STK11IP: variants seen among roughly 807,000 people sequenced by gnomAD.
STK11IP encodes the protein serine/threonine kinase 11 interacting protein, also known as serine/threonine-protein kinase 11-interacting protein.
Under a neutral mutation model 131.7 loss-of-function variants are expected in STK11IP, and 103 were observed. That is an observed-to-expected ratio of 0.78 (90% CI 0.67 to 0.92). STK11IP has a LOEUF of 0.92. Among genes scored for constraint, STK11IP ranks in the 40% least tolerant of loss-of-function variants. STK11IP has a pLI of 0.00. For missense variants in STK11IP, 1,315 were observed against 1,385.7 expected (o/e 0.95, Z 0.81); for synonymous variants, 557 against 575.6 (o/e 0.97, Z 0.46).
chr2:219,609,513 G>T lies in STK11IP; in HGVS notation c.2077G>T (p.Gly693Cys). The change falls in exon 17 of 25, where the codon GGC becomes TGC. Residue 693 changes from glycine (G) to cysteine (C), a missense_variant. Coordinates refer to ENST00000456909, the MANE Select transcript of STK11IP (RefSeq NM_052902.4). Reference protein sequence around the residue: ...EPRMGLDSEEGWRPLFQKTES... With the variant: ...EPRMGLDSEECWRPLFQKTES... ...CAGGATGGGATTAGACAGTGAGGAA[G>T]GCTGGAGGCCTCTGTTCCAAAAGAC... 6.3e-7 allele frequency: 1 copy of T among 1,583,006 alleles called. No homozygotes were observed. The highest frequency in any genetic ancestry group is 8.6e-7 in the Non-Finnish European group (1 of 1,163,938).
intron 7 of STK11IP, among the ~76,000 whole-genome samples, chr2:219,604,311 G>A (rs1441292058): frequency 6.6e-6 from 1 of 152,212 alleles, no homozygotes; most frequent in Non-Finnish European, 1.5e-5. Context: ...CAAGTCTGCA[G>A]TTCTTAACAG....
At chr2:219,616,015 C>A in intron 24 of STK11IP, 29 bp from the exon 25 acceptor site, 1 of 1,609,754 alleles carries the variant, frequency 6.2e-7, no homozygotes. Context: ...CCCCATGAGC[C>A]TCGCCTTGCT....
At position 219,616,062 on chromosome 2, in the gene STK11IP, T is replaced by G; in HGVS notation, c.3136T>G (p.Phe1046Val). The G allele has an allele frequency of 6.2e-7, 1 of 1,613,746 alleles. No homozygotes were observed. Among genetic ancestry groups the G allele is most frequent in the Non-Finnish European group, 8.5e-7 (1 of 1,179,818 alleles). Residue 1046 changes from phenylalanine (F) to valine (V), a missense_variant, in exon 25 of 25, where the codon TTT (phenylalanine) becomes GTT (valine). By Grantham distance (50) the Phe-to-Val change is conservative (BLOSUM62 -1). Transcript: ENST00000456909. ...FYDEVSRLES[F>V]WALRVVCQEQ... ...CTGCCAGGTGTCCCGGCTGGAGAGC[T>G]TTTGGGCACTCCGTGTGGTGTGTCA...
chr2:219,614,817 C>T (rs760541093), intron 23 of STK11IP: 8 of 639,270 alleles, frequency 1.3e-5, no homozygotes, highest in South Asian at 5.5e-5. Context: ...GTGGCTGAGT[C>T]GGCCCTGCCT....
chr2:219,602,668 G>T (rs758394271), intron 6 of STK11IP, 37 bp from the exon 7 acceptor site: 2 of 1,613,068 alleles, frequency 1.2e-6, no homozygotes, highest in Non-Finnish European at 1.7e-6. Flanking sequence ...GTATTGTAGT[G>T]AACATCGATT....
intron 19 of STK11IP, 120 bp downstream of exon 19, chr2:219,612,178 C>A: frequency 1.2e-6 from 1 of 869,348 alleles, no homozygotes. Flanking sequence ...TGGTTTCAAC[C>A]CCAGCAGCTT....
Position 219,606,213 on chromosome 2 carries a change from C to A in STK11IP, c.868C>A (p.Pro290Thr), listed in dbSNP as rs143390649. Reference sequence around the variant, plus strand: ...CCCTCAGCTCTACCTGGAGGGGAACCCTCTTTGGTTCCACCCTGAGCACCG... The same window carrying A: ...CCCTCAGCTCTACCTGGAGGGGAACACTCTTTGGTTCCACCCTGAGCACCG... ...ELRKLYLEGN[P>T]LWFHPEHRAA... The change falls in exon 10 of 25, where the codon CCT becomes ACT. Residue 290 changes from proline to threonine, a missense_variant. Transcript: ENST00000456909. 7 of 1,567,616 alleles carry A rather than the reference C, an allele frequency of 4.5e-6. No individual in the cohort carries two copies. The highest frequency in any genetic ancestry group is 3.5e-5 in the South Asian group (3 of 85,224).
intron 17 of STK11IP, 36 bp downstream of exon 17, chr2:219,609,576 C>A: frequency 6.4e-7 from 1 of 1,550,994 alleles, no homozygotes; most frequent in Non-Finnish European, 8.7e-7. Context: ...TGCCCACACG[C>A]CTCCCCTGTT....
Position 219,615,315 on chromosome 2 carries a change from G to T in STK11IP, c.3091G>T (p.Asp1031Tyr), listed in dbSNP as rs760731527. The T allele has an allele frequency of 4.4e-6, 7 of 1,602,376 alleles. No homozygotes were observed. The highest frequency in any genetic ancestry group is 5.9e-6 in the Non-Finnish European group (7 of 1,179,244). ...GCTGCTCTACCGCTCAGCCCCTGAGGACTTGCGGCTGCTCTTCTACGATGA... is the reference window on the plus strand; with the variant it reads ...GCTGCTCTACCGCTCAGCCCCTGAGTACTTGCGGCTGCTCTTCTACGATGA... Reference protein sequence around the residue: ...SVLLYRSAPEDLRLLFYDEVS... With the variant: ...SVLLYRSAPEYLRLLFYDEVS... The change falls in exon 24 of 25, where the codon GAC becomes TAC. Residue 1031 changes from aspartate to tyrosine, a missense_variant. Coordinates refer to ENST00000456909, the MANE Select transcript of STK11IP (RefSeq NM_052902.4).
Position 219,608,084 on chromosome 2 carries a change from G to C in STK11IP, c.1257G>C (p.Met419Ile). The C allele has an allele frequency of 6.2e-7, 1 of 1,612,666 alleles. No homozygotes were observed. The highest frequency in any genetic ancestry group is 1.1e-5 in the South Asian group (1 of 91,022). The change falls in exon 14 of 25, where the codon ATG becomes ATC. Residue 419 changes from methionine (M) to isoleucine (I), a missense_variant. Coordinates refer to ENST00000456909, the MANE Select transcript of STK11IP (RefSeq NM_052902.4). ...FVQQHPELEL[M>I]SSFRERFGRN... ...AGCAGCACCCGGAGCTGGAGCTCAT[G>C]AGCAGCTTCCGGGAACGGTTCGGCC...
intron 19 of STK11IP, 107 bp from the exon 20 acceptor site, chr2:219,613,021 G>A: frequency 3.9e-6 from 3 of 773,548 alleles, no homozygotes; most frequent in Non-Finnish European, 4.4e-6. Flanking sequence ...TGGGTGGGCA[G>A]TGGGAGGGTC....
Position 219,614,866 on chromosome 2 carries a change from A to T in STK11IP, c.2870-228A>T, listed in dbSNP as rs141137559. On this transcript the variant is annotated intron_variant, in intron 23 of 24. Coordinates refer to ENST00000456909, the MANE Select transcript of STK11IP (RefSeq NM_052902.4). ...AGGAGAGGGTGGAGCCTTGTTTCTG[A>T]GTAGGGTGGGTGTGGGGCAGTGGGG... 1.3e-3 allele frequency: 813 copies of T among 627,214 alleles called. 6 individuals carry two copies. The African/African-American group carries it at 0.013, about 10-fold the overall frequency. The allele number at this position is 627,214 out of a possible 1,614,324, so 38.9% of individuals were successfully genotyped here.
chr2:219,611,463 C>A, intron 17 of STK11IP, 141 bp from the exon 18 acceptor site: 2 of 688,716 alleles, frequency 2.9e-6, no homozygotes, highest in East Asian at 2.7e-5. Flanking sequence ...GAGCTGGTGG[C>A]CTGGGGCGCG....
In STK11IP at chr2:219,602,518, G is replaced by A. The variant is rs1205790540; in HGVS notation, c.489G>A (p.Leu163=). 6.2e-7 allele frequency: 1 copy of A among 1,613,990 alleles called. No homozygotes were observed. Among genetic ancestry groups the A allele is most frequent in the Non-Finnish European group, 8.5e-7 (1 of 1,179,886 alleles). Residue 163 remains leucine (L), a synonymous_variant, in exon 6 of 25, where the codon CTG becomes CTA. Transcript: ENST00000456909. The part of the protein sequence containing the change: ...GGDFCSALPW[L]ALLSANFSYN... The stretch of plus-strand genomic sequence containing the variant: ...ACTTCTGCTCTGCCCTCCCTTGGCT[G>A]GCTCTGCTTTCTGCCAACTTCAGCT...
chr2:219,601,842 G>A, intron 4 of STK11IP, 127 bp downstream of exon 4: 2 of 1,254,476 alleles, frequency 1.6e-6, no homozygotes, highest in Admixed American at 2.0e-5. Flanking sequence ...CTGCAGTCAT[G>A]TGATATCCAC....
chr2:219,615,723 TTGGG>T (rs1698551164), intron 24 of STK11IP: 1 of 647,934 alleles, frequency 1.5e-6, no homozygotes, highest in African/African-American at 1.8e-5. Flanking sequence ...AAGCTGAGGC[TTGGG>T]GATGTTAACC....
At chr2:219,605,782 G>A (rs1463033210) in intron 8 of STK11IP, 48 bp downstream of exon 8, 14 of 1,577,538 alleles carry the variant, frequency 8.9e-6, no homozygotes, top group Non-Finnish European at 1.2e-5. Flanking sequence ...AAGGGGGAGA[G>A]TGAGGCTGGG....
intron 2 of STK11IP, among the ~76,000 whole-genome samples, chr2:219,599,736 ATTTTT>A (rs58226404): frequency 7.1e-6 from 1 of 141,000 alleles, no homozygotes; most frequent in Non-Finnish European, 1.6e-5. Flanking sequence ...AGTGTCCTGA[ATTTTT>A]TTTTTTTTTT....
At chr2:219,601,824 C>T (rs1239446292) in intron 4 of STK11IP, 109 bp downstream of exon 4, 37 of 1,297,976 alleles carry the variant, frequency 2.9e-5, no homozygotes, top group Non-Finnish European at 3.5e-5. Context: ...CTGAGTATAC[C>T]CATTGCTCTG....
Sources: allele counts gnomAD v4.1 joint callset (sites outside exome capture counted in the v4.1 genomes callset), GRCh38; gene constraint gnomAD v4.1.1; transcripts MANE v1.5; gene names NCBI Gene and HGNC (gene_info 2026-07-23, HGNC 2026-07-21).